The following FAM81A variants were observed in gnomAD, a reference collection of about 807,000 sequenced individuals.
The protein encoded by FAM81A is protein FAM81A.
A neutral mutation model predicts 46.7 loss-of-function variants in FAM81A; 19 were observed. The ratio of observed to expected loss-of-function variants is 0.41; its 90% CI spans 0.28 to 0.60. FAM81A has a LOEUF of 0.60. Among genes scored for constraint, FAM81A ranks in the 20% least tolerant of loss-of-function variants. The probability of loss-of-function intolerance (pLI) is 0.34; values close to 1 mark genes in which losing one functional copy is unlikely to be tolerated. For missense variants in FAM81A, 377 were observed against 453.5 expected (o/e 0.83, Z 1.53); for synonymous variants, 183 against 152.9 (o/e 1.20, Z -1.45).
intron 3 of FAM81A, among the ~76,000 whole-genome samples, chr15:59,462,659 A>T (rs1376160290): frequency 6.6e-6 from 1 of 151,918 alleles, no homozygotes; most frequent in East Asian, 1.9e-4. Context: ...TTAAAAAGTA[A>T]CTCCCCACTC....
At chr15:59,451,822 T>G (rs541089624) in intron 1 of FAM81A, among the ~76,000 whole-genome samples, 1 of 152,328 alleles carries the variant, frequency 6.6e-6, no homozygotes, top group East Asian at 1.9e-4. Flanking sequence ...TCCTTTCTGG[T>G]TGCACATTCA....
At chr15:59,501,716 C>T (rs1247689910) in intron 4 of FAM81A, among the ~76,000 whole-genome samples, 1 of 152,128 alleles carries the variant, frequency 6.6e-6, no homozygotes, top group East Asian at 1.9e-4. Flanking sequence ...ACCTGATGGC[C>T]ACAACCTGGA....
At chr15:59,431,576 G>C (rs2081220366) in intron 2 of FAM81A, among the ~76,000 whole-genome samples, 1 of 148,758 alleles carries the variant, frequency 6.7e-6, no homozygotes, top group Non-Finnish European at 1.5e-5. Flanking sequence ...ATGTTGCCCA[G>C]GCTGGTCTCG....
intron 2 of FAM81A, among the ~76,000 whole-genome samples, chr15:59,431,607 C>T (rs1415636190): frequency 1.3e-5 from 2 of 151,648 alleles, no homozygotes; most frequent in African/African-American, 4.8e-5. Context: ...CTAAGTGATC[C>T]TCTGGCCTCA....
chr15:59,461,887 T>C (rs13329098), intron 3 of FAM81A, among the ~76,000 whole-genome samples: 34,265 of 152,010 alleles, frequency 0.23, 6,159 homozygotes, highest in African/African-American at 0.49. Flanking sequence ...CTGGGTCTTA[T>C]AGTGAGCTTA....
At chr15:59,485,434 T>C (rs2081906217) in intron 3 of FAM81A, among the ~76,000 whole-genome samples, 1 of 152,164 alleles carries the variant, frequency 6.6e-6, no homozygotes, top group South Asian at 2.1e-4. Context: ...ACTTTGCTTG[T>C]TTGGGAGAAA....
intron 1 of FAM81A, among the ~76,000 whole-genome samples, chr15:59,441,716 C>T (rs1043735611): frequency 7.2e-5 from 11 of 152,226 alleles, no homozygotes; most frequent in Admixed American, 2.6e-4. Context: ...CAGCCCTTTG[C>T]GCCTCTGTAT....
chr15:59,517,372 T>TAA (rs1699050080), intron 8 of FAM81A, among the ~76,000 whole-genome samples: 1 of 152,190 alleles, frequency 6.6e-6, no homozygotes, highest in South Asian at 2.1e-4. Flanking sequence ...AATACAGAAC[T>TAA]GTGACCACTA....
At chr15:59,509,042 C>A in intron 6 of FAM81A, 73 bp downstream of exon 6, 1 of 1,186,524 alleles carries the variant, frequency 8.4e-7, no homozygotes. Flanking sequence ...TGATTTTTTT[C>A]CTCTTGGTTT....
chr15:59,490,463 C>T (rs2081968997), intron 3 of FAM81A, among the ~76,000 whole-genome samples: 1 of 152,160 alleles, frequency 6.6e-6, no homozygotes, highest in Non-Finnish European at 1.5e-5. Context: ...CAAAAGAAGA[C>T]ATAGAAATGG....
At chr15:59,414,533 T>C (rs765827110) in intron 2 of FAM81A, among the ~76,000 whole-genome samples, 5 of 152,146 alleles carry the variant, frequency 3.3e-5, no homozygotes, top group Non-Finnish European at 5.9e-5. Context: ...GATTTTGGAA[T>C]AAAAATGAAT....
At chr15:59,487,969 CA>C (rs2081939223) in intron 3 of FAM81A, among the ~76,000 whole-genome samples, 1 of 151,452 alleles carries the variant, frequency 6.6e-6, no homozygotes, top group African/African-American at 2.4e-5. Flanking sequence ...AACAAAAAAA[CA>C]AAAAACCTAC....
At chr15:59,496,795 G>C (rs542907417) in intron 4 of FAM81A, among the ~76,000 whole-genome samples, 5 of 151,920 alleles carry the variant, frequency 3.3e-5, no homozygotes, top group African/African-American at 1.2e-4. Context: ...TTTCAAGATT[G>C]TGTTAGCTGT....
rs117106040 is a variant in FAM81A, at chr15:59,500,043, G to A, written c.414-7170G>A. On this transcript the variant is annotated intron_variant, in intron 4 of 8. Transcript: ENST00000288228. ...AATTTATGTATTGTTGGTCGAGACA[G>A]GGTTTCACCATGTTGGCCAGGCTGG... Among the ~76,000 whole-genome samples the A allele has an allele frequency of 6.9e-3, 1,049 of 152,020 alleles. 8 individuals are homozygous for A. The highest frequency in any genetic ancestry group is 0.012 in the Non-Finnish European group (846 of 67,970).
chr15:59,471,302 A>C (rs1194920180), intron 3 of FAM81A, among the ~76,000 whole-genome samples: 2 of 152,112 alleles, frequency 1.3e-5, no homozygotes, highest in Admixed American at 6.5e-5. Flanking sequence ...CACTGTTGTT[A>C]GGCTCATATA....
chr15:59,450,810 A>G (rs1165900238), intron 1 of FAM81A, among the ~76,000 whole-genome samples: 1 of 152,242 alleles, frequency 6.6e-6, no homozygotes, highest in Non-Finnish European at 1.5e-5. Context: ...TAGATTATAA[A>G]GTAAATATTC....
intron 3 of FAM81A, among the ~76,000 whole-genome samples, chr15:59,475,904 A>G (rs1413400135): frequency 6.6e-6 from 1 of 152,172 alleles, no homozygotes; most frequent in African/African-American, 2.4e-5. Context: ...TGAAATCATG[A>G]TTGTCTTAGT....
chr15:59,517,798 G>A (rs1029176154), intron 8 of FAM81A, among the ~76,000 whole-genome samples: 2 of 151,992 alleles, frequency 1.3e-5, no homozygotes, highest in Non-Finnish European at 2.9e-5. Context: ...TTAAAATATG[G>A]TATTTGAATA....
intron 3 of FAM81A, among the ~76,000 whole-genome samples, chr15:59,468,295 C>T (rs1469311488): frequency 3.3e-5 from 5 of 152,192 alleles, no homozygotes; most frequent in African/African-American, 1.2e-4. Flanking sequence ...ACCAGCTCCT[C>T]TTTGTACCTC....
Sources: allele counts gnomAD v4.1 joint callset (sites outside exome capture counted in the v4.1 genomes callset), GRCh38; gene constraint gnomAD v4.1.1; transcripts MANE v1.5; gene names NCBI Gene and HGNC (gene_info 2026-07-23, HGNC 2026-07-21).